GABRG2: variants seen among roughly 807,000 people sequenced by gnomAD.
The protein encoded by GABRG2 is gamma-aminobutyric acid receptor subunit gamma-2.
A neutral mutation model predicts 56.4 loss-of-function variants in GABRG2; 16 were observed. The ratio of observed to expected loss-of-function variants is 0.28; its 90% CI spans 0.19 to 0.43. The LOEUF (loss-of-function observed/expected upper bound fraction) is 0.43, where lower values mean the gene tolerates loss of function less well. Among genes scored for constraint, GABRG2 ranks in the 20% least tolerant of loss-of-function variants. GABRG2 has a pLI of 1.00. For synonymous variants in GABRG2, 208 were observed against 205.5 expected (o/e 1.01, Z -0.10); for missense variants, 327 against 582.7 (o/e 0.56, Z 4.52).
At chr5:162,135,843 A>T (rs1341594447) in intron 6 of GABRG2, among the ~76,000 whole-genome samples, 1 of 152,128 alleles carries the variant, frequency 6.6e-6, no homozygotes, top group Non-Finnish European at 1.5e-5. Flanking sequence ...ATCAGTGAAG[A>T]ATCACTATTT....
intron 6 of GABRG2, among the ~76,000 whole-genome samples, chr5:162,107,478 A>T (rs1263351859): frequency 2.6e-5 from 4 of 152,098 alleles, no homozygotes; most frequent in African/African-American, 9.6e-5. Flanking sequence ...TATAAACAGA[A>T]GAATAGAAGC....
At chr5:162,130,144 A>G (rs1055607986) in intron 6 of GABRG2, among the ~76,000 whole-genome samples, 1 of 152,010 alleles carries the variant, frequency 6.6e-6, no homozygotes, top group Non-Finnish European at 1.5e-5. Flanking sequence ...TTTAACAGAT[A>G]TCTTAAAAAT....
chr5:162,067,472 C>G (rs1252285716), upstream of GABRG2: 3 of 417,782 alleles, frequency 7.2e-6, no homozygotes, highest in Admixed American at 3.9e-5. Context: ...ATCACTTCCA[C>G]TTTGACCTCA....
At chr5:162,121,348 T>A (rs574486834) in intron 6 of GABRG2, among the ~76,000 whole-genome samples, 1 of 152,256 alleles carries the variant, frequency 6.6e-6, no homozygotes, top group East Asian at 1.9e-4. Flanking sequence ...TTAGAAAGAA[T>A]GTTTACACTT....
chr5:162,153,453 T>C lies in GABRG2; in HGVS notation c.*85T>C. The stretch of plus-strand genomic sequence containing the variant: ...TTCTAAGTCCACTTAAATAATCCTC[T>C]ATGTGGTTGATAATGATCTGAATCT... On this transcript the variant is annotated 3_prime_UTR_variant, in exon 10 of 10. Coordinates refer to ENST00000639213, the MANE Select transcript of GABRG2 (RefSeq NM_198904.4). 2.1e-6 allele frequency: 3 copies of C among 1,442,360 alleles called. No individual in the cohort carries two copies. The highest frequency in any genetic ancestry group is 2.9e-6 in the Non-Finnish European group (3 of 1,026,016). 89.3% of individuals were successfully genotyped at this position (1,442,360 alleles called of 1,614,324 possible).
At chr5:162,135,288 T>A (rs2113559030) in intron 6 of GABRG2, among the ~76,000 whole-genome samples, 1 of 152,262 alleles carries the variant, frequency 6.6e-6, no homozygotes, top group African/African-American at 2.4e-5. Flanking sequence ...CCATTGACAC[T>A]AAGTTCAGCA....
At chr5:162,075,979 C>A (rs1470578669) in intron 1 of GABRG2, among the ~76,000 whole-genome samples, 2 of 149,304 alleles carry the variant, frequency 1.3e-5, no homozygotes, top group African/African-American at 2.5e-5. Context: ...ATGGTGTGAC[C>A]CTATTTCAAG....
At chr5:162,138,888 C>T (rs765369018) in intron 6 of GABRG2, among the ~76,000 whole-genome samples, 5 of 151,942 alleles carry the variant, frequency 3.3e-5, no homozygotes, top group African/African-American at 4.8e-5. Flanking sequence ...GAGGGAAAGA[C>T]TTCTTTACCA....
At chr5:162,113,632 C>G (rs1762406972) in intron 6 of GABRG2, among the ~76,000 whole-genome samples, 1 of 152,196 alleles carries the variant, frequency 6.6e-6, no homozygotes. Context: ...AGTTTCCAAA[C>G]ATAATTTGTA....
At position 162,155,231 on chromosome 5, in the gene GABRG2, C is replaced by T. The variant is rs994922670; in HGVS notation, c.*1863C>T. The T allele has an allele frequency of 7.2e-5, 11 of 152,338 alleles. No individual in the cohort carries two copies. The highest frequency in any genetic ancestry group is 2.6e-4 in the Admixed American group (4 of 15,218). The allele number at this position is 152,338 out of a possible 1,614,324, so 9.4% of individuals were successfully genotyped here. On this transcript the variant is annotated 3_prime_UTR_variant, in exon 10 of 10. Transcript: ENST00000639213. Reference sequence around the variant, plus strand: ...TAACCTCAAACAAATGTAAATAGAACGAATTATTTTCTTGTTTTGAATTGT... The same window carrying T: ...TAACCTCAAACAAATGTAAATAGAATGAATTATTTTCTTGTTTTGAATTGT...
At chr5:162,151,247 T>G (rs1283515931) in intron 8 of GABRG2, 2 of 154,522 alleles carry the variant, frequency 1.3e-5, no homozygotes, top group African/African-American at 4.8e-5. Context: ...TACCTGAGAA[T>G]TTCATGCACT....
rs550574038 is a variant in GABRG2 at position 162,154,021 on chromosome 5, A to G, written c.*653A>G. Reference sequence around the variant, plus strand: ...GTCTTTTATTTTGTGTCCTTGGGCTATAAAAGATTCCTGAATGTAATTATA... The same window carrying G: ...GTCTTTTATTTTGTGTCCTTGGGCTGTAAAAGATTCCTGAATGTAATTATA... On this transcript the variant is annotated 3_prime_UTR_variant, in exon 10 of 10. Transcript: ENST00000639213. 3 of 153,124 alleles carry G rather than the reference A, an allele frequency of 2.0e-5. No homozygotes were observed. Among genetic ancestry groups the G allele is most frequent in the East Asian group, 1.9e-4 (1 of 5,190 alleles). 9.5% of individuals were successfully genotyped at this position (153,124 alleles called of 1,614,324 possible).
In GABRG2 at chr5:162,068,104, T is replaced by G. The variant is rs954184248; in HGVS notation, c.105T>G (p.Pro35=). 4 of 1,610,104 alleles carry G rather than the reference T, an allele frequency of 2.5e-6. No homozygotes were observed. The highest frequency in any genetic ancestry group is 1.3e-5 in the African/African-American group (1 of 74,754). ...VWILLLLSLY[P]GFTSQKSDDD... Reference sequence around the variant, plus strand: ...TTCTGCTCCTGCTGTCGCTCTACCCTGGGTAAGATGTGCCCTTTTTGGCGT... The same window carrying G: ...TTCTGCTCCTGCTGTCGCTCTACCCGGGGTAAGATGTGCCCTTTTTGGCGT... Residue 35 remains proline (P), a splice_region_variant and synonymous_variant, in exon 1 of 10, where the codon CCT becomes CCG. Coordinates refer to ENST00000639213, the MANE Select transcript of GABRG2 (RefSeq NM_198904.4).
At chr5:162,129,887 A>T (rs1347270943) in intron 6 of GABRG2, among the ~76,000 whole-genome samples, 5 of 151,946 alleles carry the variant, frequency 3.3e-5, no homozygotes, top group Non-Finnish European at 5.9e-5. Context: ...GAGATCTATT[A>T]TTTAATTGAA....
intron 4 of GABRG2, chr5:162,099,549 C>T (rs558756228): frequency 2.0e-5 from 3 of 152,286 alleles, no homozygotes; most frequent in East Asian, 1.9e-4. Context: ...GGATTATAGG[C>T]GACAGCCATG....
intron 6 of GABRG2, among the ~76,000 whole-genome samples, chr5:162,104,408 A>G (rs1294234569): frequency 6.6e-6 from 1 of 152,218 alleles, no homozygotes; most frequent in Non-Finnish European, 1.5e-5. Context: ...AAAAGTAAGC[A>G]TAGTGGATAT....
chr5:162,150,214 G>A (rs1765269416), intron 8 of GABRG2: 1 of 151,928 alleles, frequency 6.6e-6, no homozygotes, highest in African/African-American at 2.4e-5. Context: ...TTGTCTTATG[G>A]GGCTCCTATG....
chr5:162,105,455 A>C (rs1761741141), intron 6 of GABRG2, among the ~76,000 whole-genome samples: 1 of 8,456 alleles, frequency 1.2e-4, no homozygotes, highest in Non-Finnish European at 2.6e-4. Flanking sequence ...TTTGAGAAGG[A>C]GTCTCGCTCT....
In GABRG2 at chr5:162,071,059, A is replaced by C. The variant is rs1481727803; in HGVS notation, c.107+2953A>C. 2.6e-5 allele frequency among the ~76,000 whole-genome samples: 4 copies of C among 151,926 alleles called. 1 individual carries two copies. In the East Asian group the frequency reaches 7.7e-4, roughly 29 times the overall value. On this transcript the variant is annotated intron_variant, in intron 1 of 9. Transcript: ENST00000639213. ...CATTGAGAATATTATACATATAACA[A>C]AGCATAAGGAATAGTATAAAGAATA... is the stretch of plus-strand genomic sequence containing the variant.
Sources: gnomAD v4.1 joint callset for allele counts (sites outside exome capture counted in the v4.1 genomes callset) on GRCh38, gnomAD v4.1.1 for gene constraint, MANE v1.5 for transcripts, NCBI Gene and HGNC (gene_info 2026-07-23, HGNC 2026-07-21) for gene names.